Variants in RAPH1 observed in about 807,000 individuals in gnomAD.
RAPH1 encodes the protein ras-associated and pleckstrin homology domains-containing protein 1.
A neutral mutation model predicts 88.1 loss-of-function variants in RAPH1; 18 were observed. The ratio of observed to expected loss-of-function variants is 0.20; its 90% CI spans 0.14 to 0.30. RAPH1 has a LOEUF of 0.30. Ranked by LOEUF, RAPH1 falls within the 10% of genes least tolerant of loss-of-function variation. The pLI, the probability that RAPH1 is intolerant of heterozygous loss-of-function variation, is 1.00. For missense variants in RAPH1, 1,448 were observed against 1,543.2 expected (o/e 0.94, Z 1.03); for synonymous variants, 587 against 559.0 (o/e 1.05, Z -0.71).
chr2:203,499,694 C>T (rs965097871), intron 1 of RAPH1, among the ~76,000 whole-genome samples: 5 of 151,928 alleles, frequency 3.3e-5, no homozygotes, highest in Admixed American at 6.6e-5. Context: ...GCCTGAGTGA[C>T]GAGTGAACTC....
chr2:203,472,666 GAGT>G (rs1258679242), intron 4 of RAPH1, among the ~76,000 whole-genome samples: 1 of 152,040 alleles, frequency 6.6e-6, no homozygotes, highest in African/African-American at 2.4e-5. Flanking sequence ...ATCTCCAAGT[GAGT>G]AGATTATCTA....
At chr2:203,444,453 A>C in intron 13 of RAPH1, 2 of 164,850 alleles carry the variant, frequency 1.2e-5, no homozygotes, top group Non-Finnish European at 2.6e-5. Flanking sequence ...AAAAAAAGGA[A>C]GAAGAAAAAA....
At chr2:203,483,031 G>A (rs1008241582) in intron 4 of RAPH1, among the ~76,000 whole-genome samples, 3 of 152,192 alleles carry the variant, frequency 2.0e-5, no homozygotes, top group Admixed American at 1.3e-4. Context: ...GCTACTGGCT[G>A]AGAACAAGTA....
At chr2:203,484,884 TAA>T (rs1687894923) in intron 4 of RAPH1, among the ~76,000 whole-genome samples, 1 of 152,200 alleles carries the variant, frequency 6.6e-6, no homozygotes, top group South Asian at 2.1e-4. Flanking sequence ...TCTGAATAAA[TAA>T]AAAGAGACAT....
chr2:203,486,016 A>G (rs892216413), intron 4 of RAPH1, among the ~76,000 whole-genome samples: 1 of 151,882 alleles, frequency 6.6e-6, no homozygotes, highest in South Asian at 2.1e-4. Context: ...GGCAGCCAGC[A>G]TAGAAGACTG....
At chr2:203,450,454 A>G (rs1373846238) in intron 10 of RAPH1, among the ~76,000 whole-genome samples, 1 of 152,232 alleles carries the variant, frequency 6.6e-6, no homozygotes, top group African/African-American at 2.4e-5. Context: ...GGTAAATTAC[A>G]TTATAATAAA....
chr2:203,493,005 G>A (rs922276800), intron 2 of RAPH1, among the ~76,000 whole-genome samples: 1 of 152,176 alleles, frequency 6.6e-6, no homozygotes, highest in South Asian at 2.1e-4. Context: ...TGATACAGGT[G>A]TACAGATAAC....
chr2:203,437,718 G>GCA lies in RAPH1; in HGVS notation c.*1718_*1719insTG, dbSNP rs2098499626. 1 of 180,414 alleles carries GCA rather than the reference G, an allele frequency of 5.5e-6. No homozygotes were observed. The highest frequency in any genetic ancestry group is 6.0e-5 in the Admixed American group (1 of 16,584). 11.2% of individuals were successfully genotyped at this position (180,414 alleles called of 1,614,324 possible). A position where few individuals can be genotyped will look rare whatever the true frequency, so the allele number is the denominator to read the frequency against. On this transcript the variant is annotated 3_prime_UTR_variant, in exon 14 of 14. Transcript: ENST00000319170. The stretch of plus-strand genomic sequence containing the variant: ...GGTTATGCAAGACCTTGAGTATACT[G>GCA]TACTAATTAAGCACTTTTGCTCATT...
rs137885828 is a variant in RAPH1 at position 203,444,961 on chromosome 2, G to T, written c.1683C>A (p.Thr561=). 2 of 1,614,028 alleles carry T rather than the reference G, an allele frequency of 1.2e-6. No individual in the cohort carries two copies. The highest frequency in any genetic ancestry group is 4.5e-5 in the East Asian group (2 of 44,880). The change falls in exon 13 of 14, where the codon ACC becomes ACA. Residue 561 remains threonine, a synonymous_variant. Coordinates refer to ENST00000319170, the MANE Select transcript of RAPH1 (RefSeq NM_213589.3). ...SNQSDSGVSD[T]QPAGHVRSQS... is the part of the protein sequence containing the mutation. ...GGGAACGGACGTGTCCTGCTGGCTGGGTGTCAGAAACTCCGCTATCAGACT... is the reference window on the plus strand; with the variant it reads ...GGGAACGGACGTGTCCTGCTGGCTGTGTGTCAGAAACTCCGCTATCAGACT...
chr2:203,527,981 T>C (rs868250436), intron 1 of RAPH1, among the ~76,000 whole-genome samples: 3 of 152,114 alleles, frequency 2.0e-5, no homozygotes, highest in African/African-American at 7.2e-5. Flanking sequence ...ATGTTGTTAT[T>C]GATGTTGTTA....
intron 9 of RAPH1, among the ~76,000 whole-genome samples, chr2:203,455,074 C>G (rs2098518179): frequency 6.6e-6 from 1 of 152,100 alleles, no homozygotes; most frequent in Admixed American, 6.6e-5. Context: ...ACCAGGGTGG[C>G]CCTTAGCAGA....
intron 4 of RAPH1, among the ~76,000 whole-genome samples, chr2:203,475,528 T>G (rs1397867381): frequency 6.6e-6 from 1 of 152,244 alleles, no homozygotes; most frequent in Non-Finnish European, 1.5e-5. Flanking sequence ...TATTTTGTCA[T>G]TACAATTATA....
intron 13 of RAPH1, 114 bp downstream of exon 13, chr2:203,444,754 A>C (rs142806655): frequency 1.1e-6 from 1 of 894,892 alleles, no homozygotes; most frequent in African/African-American, 1.7e-5. Flanking sequence ...AAAATTAATA[A>C]AGGAGACTGA....
intron 4 of RAPH1, among the ~76,000 whole-genome samples, chr2:203,483,719 C>T (rs1687831156): frequency 6.6e-6 from 1 of 152,128 alleles, no homozygotes; most frequent in African/African-American, 2.4e-5. Flanking sequence ...TGGGTAGGCA[C>T]TATCCAATTG....
intron 1 of RAPH1, among the ~76,000 whole-genome samples, chr2:203,506,779 T>TATATATCTATATATATATCTATATATAA (rs1689043707): frequency 2.7e-5 from 3 of 109,928 alleles, no homozygotes; most frequent in Admixed American, 1.0e-4. Flanking sequence ...TCTATATATA[T>TATATATCTATATATATATCTATATATAA]CTAGATATAT....
chr2:203,523,960 C>T (rs1008790013), intron 1 of RAPH1, among the ~76,000 whole-genome samples: 2 of 151,992 alleles, frequency 1.3e-5, no homozygotes, highest in Non-Finnish European at 2.9e-5. Context: ...GCCGAGATCA[C>T]GCCACTGTAC....
chr2:203,535,300 G>GACTA lies in RAPH1; in HGVS notation c.-191_-190insTAGT, dbSNP rs1436649001. The stretch of plus-strand genomic sequence containing the variant: ...TGACTGACTGACTGACTGACTGACT[G>GACTA]GCGGGCGGCGGCGGGAGCGGGGGCG... On this transcript the variant is annotated 5_prime_UTR_variant, in exon 1 of 14. Transcript: ENST00000319170. The GACTA allele has an allele frequency of 3.3e-5, 5 of 150,574 alleles. No individual in the cohort carries two copies. The highest frequency in any genetic ancestry group is 5.9e-5 in the Non-Finnish European group (4 of 67,468). The allele number at this position is 150,574 out of a possible 1,614,324, so 9.3% of individuals were successfully genotyped here. A position where few individuals can be genotyped will look rare whatever the true frequency, so the allele number is the denominator to read the frequency against.
At chr2:203,507,000 G>T (rs1278420045) in intron 1 of RAPH1, among the ~76,000 whole-genome samples, 2 of 147,468 alleles carry the variant, frequency 1.4e-5, no homozygotes, top group African/African-American at 5.1e-5. Context: ...AGGTTCAAGC[G>T]ATTCTCCTGC....
intron 4 of RAPH1, among the ~76,000 whole-genome samples, chr2:203,481,977 C>A (rs1412193630): frequency 6.7e-5 from 10 of 150,276 alleles, no homozygotes; most frequent in African/African-American, 2.2e-4. Context: ...CAAAAACAGA[C>A]CTAAACCTAA....
Sources: allele counts gnomAD v4.1 joint callset (sites outside exome capture counted in the v4.1 genomes callset), GRCh38; gene constraint gnomAD v4.1.1; transcripts MANE v1.5; gene names NCBI Gene and HGNC (gene_info 2026-07-23, HGNC 2026-07-21).